Variants in SLC22A7 observed in about 807,000 individuals in gnomAD.
SLC22A7 encodes solute carrier family 22 member 7.
Under a neutral mutation model 62.2 loss-of-function variants are expected in SLC22A7, and 48 were observed. The ratio of observed to expected loss-of-function variants is 0.77; its 90% confidence interval spans 0.61 to 0.98. The LOEUF is 0.98. SLC22A7 is among the 50% of genes least tolerant of loss of function. The pLI is 0.00. For synonymous variants in SLC22A7, 276 were observed against 314.8 expected (o/e 0.88, Z 1.30); for missense variants, 581 against 703.8 (o/e 0.83, Z 1.97).
Position 43,302,380 on chromosome 6 carries a change from C to A in SLC22A7, c.1242C>A (p.Ala414=). Residue 414 remains alanine (A), a synonymous_variant, in exon 8 of 11, where the codon GCC becomes GCA. Coordinates refer to ENST00000372585, the MANE Select transcript of SLC22A7 (RefSeq NM_153320.2). The surrounding 1 kb of genome is among the most constrained non-coding windows in gnomAD (Gnocchi z 5.0). ...LTQAGTLLGT[A]LAFGTRLLVS... The stretch of plus-strand genomic sequence containing the variant: ...AAGCCGGGACACTGCTGGGCACGGC[C>A]CTGGCGTTCGGCACTAGACTGCTAG... The A allele has an allele frequency of 6.2e-7, 1 of 1,609,148 alleles. No individual in the cohort carries two copies. The highest frequency in any genetic ancestry group is 8.5e-7 in the Non-Finnish European group (1 of 1,178,658).
Position 43,302,538 on chromosome 6 carries a change from T to C in SLC22A7, c.1277-117T>C. 8.5e-7 allele frequency: 1 copy of C among 1,181,442 alleles called. No homozygotes were observed. The highest frequency in any genetic ancestry group is 1.2e-6 in the Non-Finnish European group (1 of 833,158). 73.2% of individuals were successfully genotyped at this position (1,181,442 alleles called of 1,614,324 possible). ...CCCCCAGATCCCTGCTCTTACCCAGTGAGCTCAGACTCTCCACCACTTAAG... is the reference window on the plus strand; with the variant it reads ...CCCCCAGATCCCTGCTCTTACCCAGCGAGCTCAGACTCTCCACCACTTAAG... On this transcript the variant is annotated intron_variant, in intron 8 of 10. Transcript: ENST00000372585. This position sits in a 1 kb window ranked among gnomAD's most constrained non-coding sequence, Gnocchi z 5.0.
At position 43,304,149 on chromosome 6, in the gene SLC22A7, G is replaced by T. The variant is rs375340158; in HGVS notation, c.1497G>T (p.Gly499=). 3 of 1,606,524 alleles carry T rather than the reference G, an allele frequency of 1.9e-6. No homozygotes were observed. In the East Asian group the frequency reaches 6.8e-5, roughly 36 times the overall value. Residue 499 remains glycine, a synonymous_variant, in exon 10 of 11, where the codon GGG becomes GGT. Coordinates refer to ENST00000372585, the MANE Select transcript of SLC22A7 (RefSeq NM_153320.2). ...TGTCACTGCCCAAGCTTACTTATGGGGGGATCGCCCTGCTGGCTGCCGGCA... is the reference window on the plus strand; with the variant it reads ...TGTCACTGCCCAAGCTTACTTATGGTGGGATCGCCCTGCTGGCTGCCGGCA... ...VWLSLPKLTY[G]GIALLAAGTA...
rs781709967 is a variant in SLC22A7, at chr6:43,302,206, A to G, written c.1068A>G (p.Gly356=). 6.3e-7 allele frequency: 1 copy of G among 1,576,738 alleles called. No homozygotes were observed. Among genetic ancestry groups the G allele is most frequent in the Admixed American group, 1.7e-5 (1 of 57,322 alleles). ...ISLCCVVVWF[G]VNFSYYGLSL... is the part of the protein sequence containing the mutation. ...GCACTGAGACTCCTTTCAGGTTCGG[A>G]GTGAACTTCTCCTATTACGGCCTGA... is the stretch of plus-strand genomic sequence containing the variant. The change falls in exon 8 of 11, where the codon GGA becomes GGG. Residue 356 remains glycine (G), a synonymous_variant. Transcript: ENST00000372585. The surrounding 1 kb of genome is among the most constrained non-coding windows in gnomAD (Gnocchi z 5.0).
chr6:43,299,391 G>C lies in SLC22A7; in HGVS notation c.401G>C (p.Trp134Ser), dbSNP rs1778653301. The part of the protein sequence containing the change: ...FSSTIATESQ[W>S]DLVCEQKGLN... ...GTCCCTTTCTGCCTGTCCTTGCAGTGGGATCTGGTGTGTGAGCAGAAAGGT... is the reference window on the plus strand; with the variant it reads ...GTCCCTTTCTGCCTGTCCTTGCAGTCGGATCTGGTGTGTGAGCAGAAAGGT... The change falls in exon 3 of 11, where the codon TGG becomes TCG. Residue 134 changes from tryptophan (W) to serine (S), a missense_variant and splice_region_variant. Physicochemically the swap from Trp to Ser is radical, Grantham distance 177 (BLOSUM62 -3). Transcript: ENST00000372585. The surrounding 1 kb of genome is among the most constrained non-coding windows in gnomAD (Gnocchi z 4.4). The C allele has an allele frequency of 6.2e-7, 1 of 1,614,084 alleles. No homozygotes were observed. The highest frequency in any genetic ancestry group is 8.5e-7 in the Non-Finnish European group (1 of 1,180,024).
chr6:43,301,732 A>T, intron 7 of SLC22A7, 40 bp downstream of exon 7: 89 of 1,355,206 alleles, frequency 6.6e-5, no homozygotes, highest in Non-Finnish European at 8.7e-5. Flanking sequence ...GTGTGGTGGG[A>T]GGGAGGAGCA....
chr6:43,302,326 G>A lies in SLC22A7; in HGVS notation c.1188G>A (p.Ser396=), dbSNP rs373090700. ...CCTCCAAGCTGCTGGTCTACTTGTC[G>A]GTGCGCTACGCAGGACGCCGCCTCA... The part of the protein sequence containing the change: ...ELPSKLLVYL[S]VRYAGRRLTQ... The change falls in exon 8 of 11, where the codon TCG becomes TCA. Residue 396 remains serine (S), a synonymous_variant. Transcript: ENST00000372585. The surrounding 1 kb of genome is among the most constrained non-coding windows in gnomAD (Gnocchi z 5.0). 1.1e-5 allele frequency: 17 copies of A among 1,613,560 alleles called. No individual in the cohort carries two copies. The highest frequency in any genetic ancestry group is 3.3e-5 in the Admixed American group (2 of 59,996).
upstream of SLC22A7, among the ~76,000 whole-genome samples, chr6:43,296,284 T>C (rs942335319): frequency 1.2e-4 from 19 of 152,218 alleles, no homozygotes; most frequent in African/African-American, 4.6e-4. Flanking sequence ...TATCAGCTAT[T>C]TCTGATATTA....
chr6:43,302,253 G>A lies in SLC22A7; in HGVS notation c.1115G>A (p.Gly372Glu). The A allele has an allele frequency of 1.2e-6, 2 of 1,611,116 alleles. No homozygotes were observed. Among genetic ancestry groups the A allele is most frequent in the Non-Finnish European group, 1.7e-6 (2 of 1,178,104 alleles). ...YGLSLDVSGL[G>E]LNVYQTQLLF... ...CTGAGTCTGGATGTGTCGGGGCTGG[G>A]GCTGAACGTGTACCAGACACAGCTG... Residue 372 changes from glycine to glutamate, a missense_variant, in exon 8 of 11, where the codon GGG (glycine) becomes GAG (glutamate). Gly to Glu is a moderately conservative substitution (Grantham distance 98). Transcript: ENST00000372585. This position sits in a 1 kb window ranked among gnomAD's most constrained non-coding sequence, Gnocchi z 5.0.
At chr6:43,304,586 C>T in intron 10 of SLC22A7, 85 bp from the exon 11 acceptor site, 1 of 1,210,098 alleles carries the variant, frequency 8.3e-7, no homozygotes, top group Non-Finnish European at 1.2e-6. Context: ...CTGGGGTGAG[C>T]CCTGGGACAG....
chr6:43,304,424 G>A, intron 10 of SLC22A7, 180 bp downstream of exon 10: 1 of 608,362 alleles, frequency 1.6e-6, no homozygotes, highest in Non-Finnish European at 2.8e-6. Context: ...CATGTAAACT[G>A]CAAGCATAAA....
Position 43,298,593 on chromosome 6 carries a change from TCCTGCCTCCGCTTTG to T in SLC22A7, c.239_253del (p.Cys80_Ala84del), listed in dbSNP as rs1355624300. 1 of 1,612,296 alleles carries T rather than the reference TCCTGCCTCCGCTTTG, an allele frequency of 6.2e-7. No individual in the cohort carries two copies. The highest frequency in any genetic ancestry group is 2.2e-5 in the East Asian group (1 of 44,866). ...CCGGGAGCCTGATGGCACGCTCAGC[TCCTGCCTCCGCTTTG>T]CCTATCCCCAGGCTCTCCCCAACAC... On this transcript the variant is annotated inframe_deletion, in exon 1 of 11. Transcript: ENST00000372585.
At position 43,301,669 on chromosome 6, in the gene SLC22A7, C is replaced by A; in HGVS notation, c.1038C>A (p.Ile346=). ...DLFRTPRLRH[I]SLCCVVVWFG... ...TCCGCACACCACGGCTCCGACACAT[C>A]TCACTGTGCTGCGTGGTGGTGTGGT... Residue 346 remains isoleucine (I), a synonymous_variant, in exon 7 of 11, where the codon ATC becomes ATA. Transcript: ENST00000372585. 6.2e-7 allele frequency: 1 copy of A among 1,613,334 alleles called. No homozygotes were observed. The highest frequency in any genetic ancestry group is 1.1e-5 in the South Asian group (1 of 91,010).
chr6:43,299,132 G>A lies in SLC22A7; in HGVS notation c.399+35G>A. The A allele has an allele frequency of 6.2e-7, 1 of 1,614,020 alleles. No individual in the cohort carries two copies. Among genetic ancestry groups the A allele is most frequent in the Non-Finnish European group, 8.5e-7 (1 of 1,179,916 alleles). On this transcript the variant is annotated intron_variant, in intron 2 of 10. Coordinates refer to ENST00000372585, the MANE Select transcript of SLC22A7 (RefSeq NM_153320.2). The surrounding 1 kb of genome is among the most constrained non-coding windows in gnomAD (Gnocchi z 4.4). The stretch of plus-strand genomic sequence containing the variant: ...TACATAATCCATCTGGAGGTGGAAT[G>A]TCGGTGGAGGCAGTCTCCCTGGGAG...
intron 5 of SLC22A7, 51 bp from the exon 6 acceptor site, chr6:43,301,082 ATG>A: frequency 6.2e-7 from 1 of 1,611,326 alleles, no homozygotes; most frequent in Non-Finnish European, 8.5e-7. Flanking sequence ...GTCCAGGAAC[ATG>A]TGGCTTAGGG....
Position 43,304,667 on chromosome 6 carries a change from C to T in SLC22A7, c.1593-4C>T, listed in dbSNP as rs769665892. 3.7e-6 allele frequency: 6 copies of T among 1,604,050 alleles called. No homozygotes were observed. The African/African-American group carries it at 5.4e-5, about 14-fold the overall frequency. ...ACCATTGCTCACAACTCCTTCCTCC[C>T]TAGTGCCCCAACCAGTCTTCAGGAG... On this transcript the variant is annotated splice_region_variant and splice_polypyrimidine_tract_variant and intron_variant, in intron 10 of 10. Transcript: ENST00000372585.
Position 43,302,108 on chromosome 6 carries a change from T to C in SLC22A7, c.1062-92T>C, listed in dbSNP as rs539748011. On this transcript the variant is annotated intron_variant, in intron 7 of 10. Transcript: ENST00000372585. The surrounding 1 kb of genome is among the most constrained non-coding windows in gnomAD (Gnocchi z 5.0). ...CGGGGGTTGCAGAGACAGAAGGAGA[T>C]TGCCCTTGTAAAATGCCAAGTCTTC... The C allele has an allele frequency of 5.2e-6, 6 of 1,148,944 alleles. No individual in the cohort carries two copies. The highest frequency in any genetic ancestry group is 1.5e-5 in the African/African-American group (1 of 64,562). The allele number at this position is 1,148,944 out of a possible 1,614,324, so 71.2% of individuals were successfully genotyped here.
chr6:43,298,475 C>T lies in SLC22A7; in HGVS notation c.117C>T (p.Ile39=). The T allele has an allele frequency of 6.2e-7, 1 of 1,613,762 alleles. No homozygotes were observed. The highest frequency in any genetic ancestry group is 8.5e-7 in the Non-Finnish European group (1 of 1,180,030). ...TACCACTGCACTTCCTCCTGCCCAT[C>T]TTCCTGGCTGCCGTGCCTGCCCACC... ...VLLPLHFLLP[I]FLAAVPAHRC... is the part of the protein sequence containing the mutation. Residue 39 remains isoleucine, a synonymous_variant, in exon 1 of 11, where the codon ATC becomes ATT. Coordinates refer to ENST00000372585, the MANE Select transcript of SLC22A7 (RefSeq NM_153320.2).
intron 9 of SLC22A7, chr6:43,303,032 C>T (rs1297011496): frequency 1.2e-6 from 1 of 831,508 alleles, no homozygotes; most frequent in African/African-American, 1.8e-5. Context: ...CACTCGTTCT[C>T]CACACTACAC....
chr6:43,298,621 C>A lies in SLC22A7; in HGVS notation c.263C>A (p.Ala88Asp). Residue 88 changes from alanine (A) to aspartate (D), a missense_variant, in exon 1 of 11, where the codon GCT (alanine) becomes GAT (aspartate). Transcript: ENST00000372585. ...TGCCTCCGCTTTGCCTATCCCCAGG[C>A]TCTCCCCAACACCACGTTGGGGGAA... ...SSCLRFAYPQ[A>D]LPNTTLGEER... is the part of the protein sequence containing the mutation. 1 of 1,602,578 alleles carries A rather than the reference C, an allele frequency of 6.2e-7. No homozygotes were observed. The highest frequency in any genetic ancestry group is 2.2e-5 in the East Asian group (1 of 44,760).
Sources: gnomAD v4.1 joint callset for allele counts (sites outside exome capture counted in the v4.1 genomes callset) on GRCh38, gnomAD v4.1.1 for gene constraint, Gnocchi (gnomAD v3.1) non-coding constraint, MANE v1.5 for transcripts, NCBI Gene and HGNC (gene_info 2026-07-23, HGNC 2026-07-21) for gene names.